LITAF: variants seen among roughly 807,000 people sequenced by gnomAD.
LITAF encodes the protein lipopolysaccharide-induced tumor necrosis factor-alpha factor.
In LITAF, 9 loss-of-function variants were observed where a neutral mutation model predicts 14.5. That is an observed-to-expected ratio of 0.62 (90% CI 0.37 to 1.08). The LOEUF (loss-of-function observed/expected upper bound fraction) is 1.08, where lower values mean the gene tolerates loss of function less well. LITAF is among the 50% of genes least tolerant of loss of function. The probability of loss-of-function intolerance (pLI) is 0.01; values close to 1 mark genes in which losing one functional copy is unlikely to be tolerated. For missense variants in LITAF, 206 were observed against 213.4 expected, an observed-to-expected ratio of 0.97 and a Z score of 0.22; for synonymous variants, 98 against 88.2, an observed-to-expected ratio of 1.11 and a Z score of -0.62.
chr16:11,623,624 C>G (rs2065064691), intron 3 of LITAF, among the ~76,000 whole-genome samples: 1 of 151,294 alleles, frequency 6.6e-6, no homozygotes, highest in East Asian at 2.0e-4. Context: ...CACAACCTTG[C>G]ACTCTAGCCT....
chr16:11,579,277 C>T (rs1333213326), intron 1 of LITAF, among the ~76,000 whole-genome samples: 1 of 151,432 alleles, frequency 6.6e-6, no homozygotes, highest in Admixed American at 6.6e-5. Flanking sequence ...CGGTGAAACC[C>T]CGTCTCTACT....
chr16:11,594,525 T>G (rs2064869797), intron 1 of LITAF, among the ~76,000 whole-genome samples: 1 of 152,098 alleles, frequency 6.6e-6, no homozygotes, highest in Non-Finnish European at 1.5e-5. Context: ...CCACTTATTT[T>G]GTTAAAAAGA....
At chr16:11,578,800 G>A (rs1290232280) in intron 1 of LITAF, among the ~76,000 whole-genome samples, 1 of 152,200 alleles carries the variant, frequency 6.6e-6, no homozygotes, top group African/African-American at 2.4e-5. Context: ...AAATTCTACA[G>A]AATCCCTCAT....
intron 3 of LITAF, chr16:11,551,745 T>C: frequency 1.5e-6 from 1 of 685,338 alleles, no homozygotes; most frequent in Non-Finnish European, 2.7e-6. Flanking sequence ...GCTGGGCGGA[T>C]TGCAGGAGCC....
upstream of LITAF, among the ~76,000 whole-genome samples, chr16:11,637,930 ATC>A (rs1465406998): frequency 1.1e-5 from 1 of 90,018 alleles, no homozygotes; most frequent in African/African-American, 6.0e-5. Flanking sequence ...CTATATCTAT[ATC>A]TATATCTATA....
intron 1 of LITAF, among the ~76,000 whole-genome samples, chr16:11,565,466 C>T (rs891103422): frequency 7.9e-6 from 1 of 127,236 alleles, no homozygotes; most frequent in Admixed American, 8.0e-5. Flanking sequence ...GGGGGAGGTG[C>T]GGGGAGGAGA....
intron 3 of LITAF, among the ~76,000 whole-genome samples, chr16:11,630,746 T>C (rs2065113511): frequency 6.6e-6 from 1 of 151,756 alleles, no homozygotes; most frequent in Non-Finnish European, 1.5e-5. Context: ...GTCCAGATAA[T>C]GTTTTTATTT....
chr16:11,603,320 C>G (rs2064938134), upstream of LITAF, among the ~76,000 whole-genome samples: 1 of 152,196 alleles, frequency 6.6e-6, no homozygotes, highest in African/African-American at 2.4e-5. Flanking sequence ...GCCTCCATCC[C>G]CAGGATGGGG....
chr16:11,609,444 C>G (rs1179530903), intron 3 of LITAF, among the ~76,000 whole-genome samples: 1 of 152,068 alleles, frequency 6.6e-6, no homozygotes, highest in Admixed American at 6.6e-5. Context: ...GAACTCCTGA[C>G]CTCAAGTGAT....
In LITAF at chr16:11,553,675, C is replaced by T. The variant is rs2064220065; in HGVS notation, c.235G>A (p.Val79Ile). The change falls in exon 3 of 4, where the codon GTC becomes ATC. Residue 79 changes from valine (V) to isoleucine (I), a missense_variant. By Grantham distance (29) the Val-to-Ile change is conservative (BLOSUM62 3). Transcript: ENST00000622633. This position sits in a 1 kb window ranked among gnomAD's most constrained non-coding sequence, Gnocchi z 7.7. The stretch of plus-strand genomic sequence containing the variant: ...AAGGTGATGGGGTGCTGCACGTAGA[C>T]CGTCTGCACGGTAACTGATGAAAGG... The part of the protein sequence containing the change: ...PNNNPITVQT[V>I]YVQHPITFLD... 1 of 1,614,140 alleles carries T rather than the reference C, an allele frequency of 6.2e-7. No individual in the cohort carries two copies. Among genetic ancestry groups the T allele is most frequent in the South Asian group, 1.1e-5 (1 of 91,072 alleles).
intron 3 of LITAF, among the ~76,000 whole-genome samples, chr16:11,633,246 C>A (rs780557338): frequency 4.6e-5 from 7 of 152,186 alleles, no homozygotes; most frequent in Non-Finnish European, 1.0e-4. Context: ...TGCCTTGGAG[C>A]AAGCCAGCCA....
At chr16:11,602,881 T>G (rs1023695316), upstream of LITAF, among the ~76,000 whole-genome samples, 14 of 149,870 alleles carry the variant, frequency 9.3e-5, no homozygotes, top group Admixed American at 3.3e-4. Flanking sequence ...GAGGCCGAGG[T>G]GGGAGGATTG....
Position 11,556,704 on chromosome 16 carries a change from C to A in LITAF, c.27G>T (p.Ala9=). The change falls in exon 2 of 4, where the codon GCG becomes GCT. Residue 9 remains alanine (A), a synonymous_variant. Transcript: ENST00000622633. ...ATGGTGCTGAGGAAGGCCCAGTGGC[C>A]GCCTGGTAAGGTCCTGGAACCGACA... MSVPGPYQ[A]ATGPSSAPSA... 1 of 1,614,138 alleles carries A rather than the reference C, an allele frequency of 6.2e-7. No individual in the cohort carries two copies. Among genetic ancestry groups the A allele is most frequent in the Non-Finnish European group, 8.5e-7 (1 of 1,180,040 alleles).
At chr16:11,584,543 C>T (rs1356959159) in intron 1 of LITAF, among the ~76,000 whole-genome samples, 2 of 152,204 alleles carry the variant, frequency 1.3e-5, no homozygotes, top group African/African-American at 2.4e-5. Context: ...CTTGTCTGTA[C>T]CTCTTCCACA....
At chr16:11,629,968 G>A (rs1173105148) in intron 3 of LITAF, among the ~76,000 whole-genome samples, 1 of 152,114 alleles carries the variant, frequency 6.6e-6, no homozygotes, top group East Asian at 1.9e-4. Context: ...AACATCAGTC[G>A]CCAGGTGTTG....
rs138206421 is a variant in LITAF, at chr16:11,634,344, A to G, written c.-20-707T>C. Among the ~76,000 whole-genome samples the G allele has an allele frequency of 6.0e-3, 919 of 152,312 alleles. 39 individuals carry two copies. Among genetic ancestry groups the G allele is most frequent in the Admixed American group, 0.054 (821 of 15,284 alleles). On this transcript the variant is annotated intron_variant, in intron 2 of 3. Coordinates refer to the LITAF transcript ENST00000574848. This position sits in a 1 kb window ranked among gnomAD's most constrained non-coding sequence, Gnocchi z 4.1. ...TTTGTTTTTAGTGTACAGTTTAATG[A>G]TAATGATTCCCTTCCCCAAAACTCA...
chr16:11,585,665 G>A (rs1453844698), intron 1 of LITAF, among the ~76,000 whole-genome samples: 1 of 152,132 alleles, frequency 6.6e-6, no homozygotes, highest in Non-Finnish European at 1.5e-5. Context: ...GGGGTGAGAG[G>A]GCAGATGAAG....
In LITAF at chr16:11,561,906, T is replaced by TA. The variant is rs534112790; in HGVS notation, c.-5-5172dup. On this transcript the variant is annotated intron_variant, in intron 1 of 3. Coordinates refer to ENST00000622633, the MANE Select transcript of LITAF (RefSeq NM_001136472.2). ...CACACTCTCCACAATGTCTTTTTTT[T>TA]AAAAAAGAGGGAAAGGGAGAAAGAA... Among the ~76,000 whole-genome samples the TA allele has an allele frequency of 2.1e-3, 312 of 149,074 alleles. 3 individuals carry two copies. The highest frequency in any genetic ancestry group is 9.8e-3 in the Admixed American group (147 of 14,934).
At chr16:11,636,981 T>C (rs1418066901), upstream of LITAF, among the ~76,000 whole-genome samples, 2 of 152,052 alleles carry the variant, frequency 1.3e-5, no homozygotes, top group African/African-American at 4.8e-5. Flanking sequence ...GTGATTCTCC[T>C]GCCTCAGCCT....
Sources: gnomAD v4.1 joint callset for allele counts (sites outside exome capture counted in the v4.1 genomes callset) on GRCh38, gnomAD v4.1.1 for gene constraint, Gnocchi (gnomAD v3.1) non-coding constraint, MANE v1.5 for transcripts, NCBI Gene and HGNC (gene_info 2026-07-23, HGNC 2026-07-21) for gene names.